The following ESRRG variants were observed in gnomAD, a reference collection of about 807,000 sequenced individuals.
ESRRG encodes estrogen related receptor gamma.
In ESRRG, 13 loss-of-function variants were observed where a neutral mutation model predicts 44.0. That is an observed-to-expected ratio of 0.30 (90% CI 0.19 to 0.47). The LOEUF (loss-of-function observed/expected upper bound fraction) is 0.47. Ranked by LOEUF, ESRRG falls within the 20% of genes least tolerant of loss-of-function variation. The pLI is 1.00. For missense variants in ESRRG, 395 were observed against 580.6 expected (o/e 0.68, Z 3.29); for synonymous variants, 215 against 214.6 (o/e 1.00, Z -0.02).
At chr1:216,994,447 A>G (rs1016855075) in intron 1 of ESRRG, among the ~76,000 whole-genome samples, 1 of 149,286 alleles carries the variant, frequency 6.7e-6, no homozygotes, top group Non-Finnish European at 1.5e-5. Flanking sequence ...GCACACACAT[A>G]TAAACCCATG....
intron 2 of ESRRG, among the ~76,000 whole-genome samples, chr1:216,882,046 T>C (rs1225912921): frequency 6.6e-6 from 1 of 152,058 alleles, no homozygotes; most frequent in African/African-American, 2.4e-5. Context: ...GTTTTATTGA[T>C]TCACATAAGC....
intron 3 of ESRRG, among the ~76,000 whole-genome samples, chr1:216,625,802 G>T (rs1574334980): frequency 6.6e-6 from 1 of 152,148 alleles, no homozygotes; most frequent in East Asian, 1.9e-4. Context: ...GGTGGACATG[G>T]CATTTTACTC....
intron 3 of ESRRG, among the ~76,000 whole-genome samples, chr1:216,616,021 C>G (rs926894611): frequency 3.3e-5 from 5 of 152,170 alleles, no homozygotes; most frequent in Non-Finnish European, 7.3e-5. Context: ...TCCACCTCAG[C>G]CTGATCACAT....
intron 2 of ESRRG, among the ~76,000 whole-genome samples, chr1:216,916,003 T>G (rs2061117307): frequency 6.6e-6 from 1 of 152,070 alleles, no homozygotes; most frequent in African/African-American, 2.4e-5. Context: ...TTTAAGAACT[T>G]TTAGTCATTT....
chr1:216,515,457 A>G lies in ESRRG; in HGVS notation c.1132+3695T>C, dbSNP rs1441251186. ...AATTAAATATGGTGCCCATTCCAGT[A>G]TCCTACAGCAATCATAAACTTTCTA... On this transcript the variant is annotated intron_variant, in intron 6 of 6. Coordinates refer to ENST00000408911, the MANE Select transcript of ESRRG (RefSeq NM_001438.4). Among the ~76,000 whole-genome samples the G allele has an allele frequency of 2.0e-5, 3 of 152,282 alleles. No homozygotes were observed. The East Asian group carries it at 5.8e-4, about 29-fold the overall frequency.
At chr1:216,973,833 A>C (rs943162580) in intron 1 of ESRRG, among the ~76,000 whole-genome samples, 1 of 151,838 alleles carries the variant, frequency 6.6e-6, no homozygotes, top group African/African-American at 2.4e-5. Context: ...TCTCAAAAAA[A>C]AAAAAAAAAG....
intron 3 of ESRRG, among the ~76,000 whole-genome samples, chr1:216,582,178 G>A (rs2062910325): frequency 6.6e-6 from 1 of 152,124 alleles, no homozygotes; most frequent in Non-Finnish European, 1.5e-5. Flanking sequence ...AAATACATGT[G>A]TTTTCATTAG....
At chr1:216,644,286 C>G in intron 3 of ESRRG, among the ~76,000 whole-genome samples, 1 of 152,156 alleles carries the variant, frequency 6.6e-6, no homozygotes, top group East Asian at 1.9e-4. Context: ...TGGGCACTCA[C>G]AATTCTACTA....
At chr1:217,003,290 G>A (rs1287709232) in intron 1 of ESRRG, among the ~76,000 whole-genome samples, 1 of 152,020 alleles carries the variant, frequency 6.6e-6, no homozygotes, top group East Asian at 1.9e-4. Context: ...AATAGCTTGA[G>A]CAAATTACTT....
chr1:216,784,691 T>C (rs7522593), intron 2 of ESRRG, among the ~76,000 whole-genome samples: 28,576 of 151,972 alleles, frequency 0.19, 3,704 homozygotes, highest in African/African-American at 0.37. Context: ...TTTTTAAAAA[T>C]TACTACTTGG....
intron 2 of ESRRG, among the ~76,000 whole-genome samples, chr1:216,789,039 G>T (rs973021542): frequency 2.0e-5 from 3 of 152,148 alleles, no homozygotes. Context: ...TCTACTTCTT[G>T]TGAAAAGGCT....
At chr1:216,809,475 G>A (rs1029200165) in intron 2 of ESRRG, among the ~76,000 whole-genome samples, 1 of 152,112 alleles carries the variant, frequency 6.6e-6, no homozygotes, top group Non-Finnish European at 1.5e-5. Flanking sequence ...TTGAGGATGA[G>A]GGATTTAAGG....
chr1:216,943,423 C>T (rs1352653192), intron 1 of ESRRG, among the ~76,000 whole-genome samples: 2 of 152,128 alleles, frequency 1.3e-5, no homozygotes, highest in East Asian at 3.9e-4. Flanking sequence ...AAGATCTGTT[C>T]TTCAGGTCTC....
At chr1:216,619,560 C>T (rs573451275) in intron 3 of ESRRG, among the ~76,000 whole-genome samples, 14 of 152,176 alleles carry the variant, frequency 9.2e-5, no homozygotes, top group Admixed American at 5.9e-4. Flanking sequence ...TTTTTCTCTT[C>T]GAAACGGTAT....
At chr1:216,844,372 A>G (rs1287638264) in intron 2 of ESRRG, among the ~76,000 whole-genome samples, 2 of 152,132 alleles carry the variant, frequency 1.3e-5, no homozygotes, top group Admixed American at 1.3e-4. Flanking sequence ...CTAAGGGGAA[A>G]TCACATAGCA....
intron 1 of ESRRG, among the ~76,000 whole-genome samples, chr1:217,036,197 T>C (rs1204985620): frequency 6.6e-6 from 1 of 152,196 alleles, no homozygotes; most frequent in Admixed American, 6.5e-5. Flanking sequence ...AAGGAAATGC[T>C]TATACACTGT....
intron 1 of ESRRG, among the ~76,000 whole-genome samples, chr1:216,966,280 A>C (rs1443266672): frequency 6.6e-6 from 1 of 152,158 alleles, no homozygotes; most frequent in East Asian, 1.9e-4. Context: ...TAACGTGTCA[A>C]CAAAAGATTA....
At chr1:217,025,799 C>A (rs4846802) in intron 1 of ESRRG, among the ~76,000 whole-genome samples, 74,569 of 151,936 alleles carry the variant, frequency 0.49, 18,531 homozygotes, top group Middle Eastern at 0.57. Flanking sequence ...AGGAAGGGCC[C>A]TGCCAATGTC....
rs146607311 is a variant in ESRRG at position 217,133,053 on chromosome 1, G to A, written c.-230+4614C>T. ...TCCTATCTAGAGCCCCAGACTGTGA[G>A]GAAAGACCCAGGGCTCTAGAGGTCA... On this transcript the variant is annotated intron_variant, in intron 1 of 8. Transcript: ENST00000366940. 6.0e-4 allele frequency among the ~76,000 whole-genome samples: 91 copies of A among 152,332 alleles called. No homozygotes were observed. In the Middle Eastern group the frequency reaches 0.01, roughly 17 times the overall value.
Sources: gnomAD v4.1 joint callset for allele counts (sites outside exome capture counted in the v4.1 genomes callset) on GRCh38, gnomAD v4.1.1 for gene constraint, MANE v1.5 for transcripts, NCBI Gene and HGNC (gene_info 2026-07-23, HGNC 2026-07-21) for gene names.